Variants in FAM180A observed in about 807,000 individuals in gnomAD.
The protein encoded by FAM180A is family with sequence similarity 180 member A.
FAM180A carries 14 observed loss-of-function variants against 15.3 expected under a neutral mutation model. The observed-to-expected ratio is 0.92, with a 90% CI of 0.61 to 1.43. The LOEUF is 1.43. Among genes scored for constraint, FAM180A ranks in the 40% most tolerant of loss-of-function variants. FAM180A has a pLI of 0.00. For missense variants in FAM180A, 200 were observed against 220.8 expected, an observed-to-expected ratio of 0.91 and a Z score of 0.60; for synonymous variants, 90 against 96.8, an observed-to-expected ratio of 0.93 and a Z score of 0.41.
chr7:135,739,187 G>A (rs1162700535), intron 1 of FAM180A, among the ~76,000 whole-genome samples: 1 of 151,440 alleles, frequency 6.6e-6, no homozygotes, highest in Non-Finnish European at 1.5e-5. Flanking sequence ...GTGCGTGCCT[G>A]TAATCCCAGC....
chr7:135,743,689 A>G (rs932491040), intron 1 of FAM180A, among the ~76,000 whole-genome samples: 1 of 152,142 alleles, frequency 6.6e-6, no homozygotes, highest in Non-Finnish European at 1.5e-5. Flanking sequence ...TTATCATCCA[A>G]CAAATCACCC....
Position 135,733,882 on chromosome 7 carries a change from T to G in FAM180A, c.*93A>C. The G allele has an allele frequency of 6.9e-7, 1 of 1,452,502 alleles. No homozygotes were observed. Among genetic ancestry groups the G allele is most frequent in the Non-Finnish European group, 9.1e-7 (1 of 1,102,286 alleles). The allele number at this position is 1,452,502 out of a possible 1,614,324, so 90.0% of individuals were successfully genotyped here. On this transcript the variant is annotated 3_prime_UTR_variant, in exon 3 of 4. Transcript: ENST00000338588. ...CTGCTCTGTGTCAGCGGTAAGAGTT[T>G]TGTTGCTGGTCTCTGTAAATGGAGT...
intron 1 of FAM180A, among the ~76,000 whole-genome samples, chr7:135,747,305 AAAAG>A (rs1475950980): frequency 6.6e-6 from 1 of 152,036 alleles, no homozygotes; most frequent in Non-Finnish European, 1.5e-5. Context: ...AAAAATTAAA[AAAAG>A]AAAAGGGAGG....
intron 1 of FAM180A, among the ~76,000 whole-genome samples, chr7:135,748,103 G>C (rs1234084220): frequency 6.6e-6 from 1 of 152,198 alleles, no homozygotes; most frequent in Non-Finnish European, 1.5e-5. Context: ...CCAGGGAGCA[G>C]GCCTTTGGCA....
intron 3 of FAM180A, among the ~76,000 whole-genome samples, chr7:135,732,693 A>T (rs1391080250): frequency 6.3e-5 from 1 of 15,958 alleles, no homozygotes; most frequent in Non-Finnish European, 9.9e-5. Flanking sequence ...ACTCCATCAC[A>T]CACACACACA....
At chr7:135,742,007 C>A (rs1039876741) in intron 1 of FAM180A, among the ~76,000 whole-genome samples, 3 of 152,282 alleles carry the variant, frequency 2.0e-5, no homozygotes, top group Non-Finnish European at 4.4e-5. Context: ...CCCTTCCTCA[C>A]CCCCACCCCT....
At chr7:135,734,478 G>A (rs1472821905) in intron 2 of FAM180A, among the ~76,000 whole-genome samples, 159 bp from the exon 3 acceptor site, 1 of 152,174 alleles carries the variant, frequency 6.6e-6, no homozygotes. Context: ...GTGTGAACTT[G>A]GACAAGTTAC....
chr7:135,736,913 A>G (rs1184415060), intron 2 of FAM180A, among the ~76,000 whole-genome samples, 186 bp downstream of exon 2: 1 of 152,266 alleles, frequency 6.6e-6, no homozygotes, highest in African/African-American at 2.4e-5. Flanking sequence ...TGGGAAAGAC[A>G]GGAGGCATGA....
In FAM180A at chr7:135,730,150, A is replaced by T. The variant is rs1006096098; in HGVS notation, c.*461T>A. ...TGTTAGATTCAAGGTGAGGTGACAG[A>T]GCAATGAAGTCTGCAGCAGTTAAAT... On this transcript the variant is annotated 3_prime_UTR_variant, in exon 4 of 4. Coordinates refer to ENST00000338588, the MANE Select transcript of FAM180A (RefSeq NM_205855.4). 10 of 985,346 alleles carry T rather than the reference A, an allele frequency of 1.0e-5. No individual in the cohort carries two copies. In the African/African-American group the frequency reaches 1.7e-4, roughly 17 times the overall value. 61.0% of individuals were successfully genotyped at this position (985,346 alleles called of 1,614,324 possible).
intron 2 of FAM180A, 75 bp downstream of exon 2, chr7:135,737,024 T>C: frequency 8.1e-7 from 1 of 1,230,546 alleles, no homozygotes. Flanking sequence ...GGGTCACTTC[T>C]CCTTTTCCAA....
chr7:135,746,519 C>T (rs887892868), intron 1 of FAM180A, among the ~76,000 whole-genome samples: 3 of 152,174 alleles, frequency 2.0e-5, no homozygotes, highest in Non-Finnish European at 4.4e-5. Flanking sequence ...AACCAGGACC[C>T]TTGCAGAGTA....
intron 1 of FAM180A, among the ~76,000 whole-genome samples, chr7:135,742,027 C>T (rs1421315987): frequency 2.0e-5 from 3 of 152,134 alleles, no homozygotes; most frequent in Non-Finnish European, 2.9e-5. Flanking sequence ...TGCACTGGTC[C>T]ACCAGGCCCA....
At position 135,748,649 on chromosome 7, in the gene FAM180A, G is replaced by T; in HGVS notation, c.-69C>A. The T allele has an allele frequency of 1.6e-6, 2 of 1,215,082 alleles. No homozygotes were observed. Among genetic ancestry groups the T allele is most frequent in the Non-Finnish European group, 2.4e-6 (2 of 818,224 alleles). The allele number at this position is 1,215,082 out of a possible 1,614,324, so 75.3% of individuals were successfully genotyped here. On this transcript the variant is annotated 5_prime_UTR_variant, in exon 1 of 4. Coordinates refer to ENST00000338588, the MANE Select transcript of FAM180A (RefSeq NM_205855.4). ...AACCCCAGTAGCTGCAGGTATGCCC[G>T]TGCCGTTCTTCCCAGTGAGATGATG...
intron 2 of FAM180A, among the ~76,000 whole-genome samples, chr7:135,734,804 T>G (rs2129495954): frequency 6.6e-6 from 1 of 152,374 alleles, no homozygotes; most frequent in South Asian, 2.1e-4. Context: ...TGGATTGGGC[T>G]GTGGGCCCCT....
chr7:135,732,194 C>T (rs568829820), intron 3 of FAM180A, among the ~76,000 whole-genome samples: 1 of 152,116 alleles, frequency 6.6e-6, no homozygotes, highest in African/African-American at 2.4e-5. Context: ...GCTCTAATAG[C>T]CTGACAGTGA....
intron 1 of FAM180A, among the ~76,000 whole-genome samples, chr7:135,738,590 GA>G (rs1400142647): frequency 6.6e-6 from 1 of 152,226 alleles, no homozygotes; most frequent in African/African-American, 2.4e-5. Context: ...GGAGGAAGAT[GA>G]ATTGCTATTA....
In FAM180A at chr7:135,734,565, G is replaced by C. The variant is rs988806876; in HGVS notation, c.178-246C>G. 1.5e-4 allele frequency among the ~76,000 whole-genome samples: 23 copies of C among 152,298 alleles called. No individual in the cohort carries two copies. The South Asian group carries it at 4.8e-3, about 32-fold the overall frequency. On this transcript the variant is annotated intron_variant, in intron 2 of 3. Transcript: ENST00000338588. ...CATCTACTTCACTGGGATATTGTGA[G>C]AGGTAAATAAGACAAATATGGACAA...
intron 1 of FAM180A, among the ~76,000 whole-genome samples, chr7:135,746,961 G>A (rs765954833): frequency 1.2e-4 from 18 of 152,074 alleles, no homozygotes; most frequent in Non-Finnish European, 2.5e-4. Context: ...TTAGCCAGGC[G>A]TGGTGGTGCG....
intron 1 of FAM180A, among the ~76,000 whole-genome samples, chr7:135,745,503 A>C (rs373515954): frequency 6.7e-6 from 1 of 148,626 alleles, no homozygotes; most frequent in African/African-American, 2.5e-5. Context: ...GTGTGTGTGT[A>C]TGTGTGTGTG....
Sources: allele counts gnomAD v4.1 joint callset (sites outside exome capture counted in the v4.1 genomes callset), GRCh38; gene constraint gnomAD v4.1.1; transcripts MANE v1.5; gene names NCBI Gene and HGNC (gene_info 2026-07-23, HGNC 2026-07-21).